Variants in CDH13 observed in about 807,000 individuals in gnomAD.
The protein encoded by CDH13 is cadherin-13.
Under a neutral mutation model 63.8 loss-of-function variants are expected in CDH13, and 24 were observed. That is an observed-to-expected ratio of 0.38 (90% CI 0.27 to 0.53). CDH13 has a LOEUF of 0.53. CDH13 is among the 20% of genes least tolerant of loss of function. The pLI, the probability that CDH13 is intolerant of heterozygous loss-of-function variation, is 0.85. For synonymous variants in CDH13, 503 were observed against 355.3 expected, an observed-to-expected ratio of 1.42 and a Z score of -4.67; for missense variants, 1,049 against 903.1, an observed-to-expected ratio of 1.16 and a Z score of -2.07.
At chr16:83,074,624 A>G (rs1175273105) in intron 3 of CDH13, among the ~76,000 whole-genome samples, 2 of 152,198 alleles carry the variant, frequency 1.3e-5, no homozygotes, top group African/African-American at 2.4e-5. Context: ...CCAACAGTGT[A>G]TGAGTTTCCT....
At position 83,351,405 on chromosome 16, in the gene CDH13, G is replaced by A. The variant is rs75015286; in HGVS notation, c.781+6399G>A. On this transcript the variant is annotated intron_variant, in intron 6 of 13. Coordinates refer to ENST00000567109, the MANE Select transcript of CDH13 (RefSeq NM_001257.5). ...CCACCATCCAGAGATAACCACAGTT[G>A]ACATTTTAGTGAGTGCAGTTCTGGG... Among the ~76,000 whole-genome samples the A allele has an allele frequency of 5.3e-5, 8 of 151,620 alleles. No individual in the cohort carries two copies. The East Asian group carries it at 1.6e-3, about 29-fold the overall frequency.
At chr16:82,884,717 C>T (rs2040821410) in intron 2 of CDH13, among the ~76,000 whole-genome samples, 1 of 152,186 alleles carries the variant, frequency 6.6e-6, no homozygotes, top group East Asian at 1.9e-4. Context: ...AAGGCATCTC[C>T]AAGTTTTTCT....
chr16:83,211,779 A>G lies in CDH13; in HGVS notation c.484-5566A>G. Reference sequence around the variant, plus strand: ...ACCTCCCCCCCCCAAACAGCCAGCCAGGAAGTCTCTTTACCCAGGTATGAG... The same window carrying G: ...ACCTCCCCCCCCCAAACAGCCAGCCGGGAAGTCTCTTTACCCAGGTATGAG... On this transcript the variant is annotated intron_variant, in intron 4 of 13. Coordinates refer to ENST00000567109, the MANE Select transcript of CDH13 (RefSeq NM_001257.5). Among the ~76,000 whole-genome samples, 2 of 151,788 alleles carry G rather than the reference A, an allele frequency of 1.3e-5. 1 individual carries two copies. Among genetic ancestry groups the G allele is most frequent in the East Asian group, 3.9e-4 (2 of 5,150 alleles).
At chr16:83,753,735 C>A (rs1400350062) in intron 11 of CDH13, among the ~76,000 whole-genome samples, 2 of 151,722 alleles carry the variant, frequency 1.3e-5, no homozygotes, top group Non-Finnish European at 2.9e-5. Context: ...GGAATTTATG[C>A]CAAAACATGT....
intron 4 of CDH13, among the ~76,000 whole-genome samples, chr16:83,186,714 C>T (rs932811100): frequency 2.0e-5 from 3 of 152,120 alleles, no homozygotes; most frequent in African/African-American, 7.2e-5. Flanking sequence ...TGAATTCTTG[C>T]ATCGGATGAG....
rs550454625 is a variant in CDH13 at position 83,073,497 on chromosome 16, A to C, written c.366+41279A>C. 2.6e-5 allele frequency among the ~76,000 whole-genome samples: 4 copies of C among 152,188 alleles called. No individual in the cohort carries two copies. The South Asian group carries it at 8.3e-4, about 32-fold the overall frequency. ...TAATAACCTATCACAAAAGTTAGGC[A>C]GGCATTCACACACATGGCGATGAGA... is the stretch of plus-strand genomic sequence containing the variant. On this transcript the variant is annotated intron_variant, in intron 3 of 13. Coordinates refer to ENST00000567109, the MANE Select transcript of CDH13 (RefSeq NM_001257.5).
chr16:83,317,033 G>A (rs1378241692), intron 5 of CDH13, among the ~76,000 whole-genome samples: 1 of 152,200 alleles, frequency 6.6e-6, no homozygotes, highest in Non-Finnish European at 1.5e-5. Context: ...ATTTGGCAAT[G>A]TCTGCAGACA....
chr16:83,785,688 G>C (rs1385894548), intron 13 of CDH13, among the ~76,000 whole-genome samples: 1 of 152,146 alleles, frequency 6.6e-6, no homozygotes, highest in East Asian at 1.9e-4. Flanking sequence ...CATAGTATCA[G>C]CTGGGGAGAT....
chr16:83,658,836 TCAC>T, intron 8 of CDH13, among the ~76,000 whole-genome samples: 1 of 136,294 alleles, frequency 7.3e-6, no homozygotes, highest in Non-Finnish European at 1.6e-5. Flanking sequence ...TCCCATGTCC[TCAC>T]CACCAGGTCC....
chr16:83,267,678 C>T (rs1049938649), intron 5 of CDH13, among the ~76,000 whole-genome samples: 1 of 152,130 alleles, frequency 6.6e-6, no homozygotes, highest in Non-Finnish European at 1.5e-5. Flanking sequence ...CATATGATGC[C>T]TTTCACAACA....
chr16:83,102,745 C>G (rs1037424405), intron 3 of CDH13, among the ~76,000 whole-genome samples: 1 of 151,802 alleles, frequency 6.6e-6, no homozygotes, highest in Non-Finnish European at 1.5e-5. Context: ...ATGATTTTGG[C>G]TTGGAGCAAG....
intron 1 of CDH13, among the ~76,000 whole-genome samples, chr16:82,666,130 C>G (rs964573284): frequency 1.8e-4 from 27 of 152,132 alleles, no homozygotes; most frequent in African/African-American, 5.8e-4. Context: ...ATAACGATCT[C>G]ACGTCTGTTT....
chr16:83,738,793 C>G (rs1175274737), intron 10 of CDH13, among the ~76,000 whole-genome samples: 1 of 152,154 alleles, frequency 6.6e-6, no homozygotes, highest in Non-Finnish European at 1.5e-5. Context: ...GTAATCTCAG[C>G]TACTTGGGAG....
chr16:83,505,116 C>T (rs1300055682), intron 7 of CDH13, among the ~76,000 whole-genome samples: 10 of 152,132 alleles, frequency 6.6e-5, no homozygotes, highest in Non-Finnish European at 1.3e-4. Context: ...TGTGATCCTA[C>T]CCATCCTCAA....
At chr16:83,560,931 G>A (rs1024826984) in intron 7 of CDH13, among the ~76,000 whole-genome samples, 5 of 152,136 alleles carry the variant, frequency 3.3e-5, no homozygotes, top group Admixed American at 3.3e-4. Context: ...TGAGGGTTGG[G>A]CAGATTAACC....
At chr16:83,136,119 A>G (rs7204771) in intron 4 of CDH13, among the ~76,000 whole-genome samples, 8,071 of 151,776 alleles carry the variant, frequency 0.053, 685 homozygotes, top group African/African-American at 0.18. Flanking sequence ...TATCACCACT[A>G]AAGAACTTAT....
intron 8 of CDH13, among the ~76,000 whole-genome samples, chr16:83,651,048 C>T (rs1470792087): frequency 6.6e-6 from 1 of 152,038 alleles, no homozygotes; most frequent in Non-Finnish European, 1.5e-5. Context: ...CTGCAGTGAG[C>T]CATCATCACG....
chr16:83,565,165 C>G (rs1250345851), intron 7 of CDH13, among the ~76,000 whole-genome samples: 1 of 152,126 alleles, frequency 6.6e-6, no homozygotes, highest in Non-Finnish European at 1.5e-5. Flanking sequence ...TTTTCAGACT[C>G]TTGTCCTCTA....
At chr16:83,693,417 T>G (rs760252909) in intron 10 of CDH13, among the ~76,000 whole-genome samples, 2 of 152,230 alleles carry the variant, frequency 1.3e-5, no homozygotes, top group Non-Finnish European at 2.9e-5. Flanking sequence ...TCTTTGAGAC[T>G]GATAGGGGTG....
Sources: allele counts gnomAD v4.1 joint callset (sites outside exome capture counted in the v4.1 genomes callset), GRCh38; gene constraint gnomAD v4.1.1; transcripts MANE v1.5; gene names NCBI Gene and HGNC (gene_info 2026-07-23, HGNC 2026-07-21).